PLCE1: variants seen among roughly 807,000 people sequenced by gnomAD.
PLCE1 encodes 1-phosphatidylinositol 4,5-bisphosphate phosphodiesterase epsilon-1.
A neutral mutation model predicts 242.8 loss-of-function variants in PLCE1; 119 were observed. That is an observed-to-expected ratio of 0.49 (90% CI 0.42 to 0.57). The LOEUF (loss-of-function observed/expected upper bound fraction) is 0.57. Ranked by LOEUF, PLCE1 falls within the 20% of genes least tolerant of loss-of-function variation. The pLI, the probability that PLCE1 is intolerant of heterozygous loss-of-function variation, is 0.00. For synonymous variants in PLCE1, 945 were observed against 1,017.4 expected (o/e 0.93, Z 1.35); for missense variants, 2,441 against 2,788.8 (o/e 0.88, Z 2.81).
chr10:94,245,907 G>T (rs2050662160), intron 7 of PLCE1, 39 bp from the exon 8 acceptor site: 2 of 1,542,684 alleles, frequency 1.3e-6, no homozygotes, highest in South Asian at 1.1e-5. Context: ...GTTCTCACTT[G>T]ATTATAAGAC....
intron 7 of PLCE1, among the ~76,000 whole-genome samples, chr10:94,239,086 A>C (rs1004036760): frequency 5.9e-5 from 9 of 152,326 alleles, no homozygotes; most frequent in Admixed American, 5.9e-4. Flanking sequence ...AGGATTATAA[A>C]TTAAGCAAAT....
intron 2 of PLCE1, among the ~76,000 whole-genome samples, chr10:94,057,602 A>C (rs892105507): frequency 5.3e-5 from 8 of 152,306 alleles, no homozygotes; most frequent in Non-Finnish European, 1.0e-4. Context: ...AGAATTACCA[A>C]CCTATACTTC....
At chr10:94,153,314 A>T (rs775438953) in intron 3 of PLCE1, among the ~76,000 whole-genome samples, 3 of 152,330 alleles carry the variant, frequency 2.0e-5, no homozygotes, top group African/African-American at 7.2e-5. Context: ...ACAATAGACG[A>T]AAACCACATG....
chr10:94,002,108 G>A (rs558198185), intron 1 of PLCE1, among the ~76,000 whole-genome samples: 12 of 148,908 alleles, frequency 8.1e-5, no homozygotes, highest in Admixed American at 4.0e-4. Context: ...AGAGGTAGTT[G>A]TGAAAAAAAA....
chr10:94,007,616 G>T, intron 1 of PLCE1, among the ~76,000 whole-genome samples: 1 of 128,198 alleles, frequency 7.8e-6, no homozygotes. Flanking sequence ...GTTTCCAGAA[G>T]AGTGAATACA....
chr10:94,232,573 A>G (rs916616162), intron 5 of PLCE1, among the ~76,000 whole-genome samples: 1 of 151,950 alleles, frequency 6.6e-6, no homozygotes, highest in Admixed American at 6.6e-5. Context: ...TTTTCTTACT[A>G]GTTACTCTCT....
intron 2 of PLCE1, among the ~76,000 whole-genome samples, chr10:94,051,695 TAC>T (rs1167374559): frequency 2.0e-5 from 3 of 152,138 alleles, no homozygotes; most frequent in African/African-American, 7.2e-5. Flanking sequence ...TGGAACTGAA[TAC>T]AGTCCACAGT....
At chr10:94,126,768 G>A (rs1029974178) in intron 2 of PLCE1, among the ~76,000 whole-genome samples, 3 of 152,144 alleles carry the variant, frequency 2.0e-5, no homozygotes, top group Non-Finnish European at 4.4e-5. Flanking sequence ...AGCATATTTG[G>A]TCATTCATTA....
chr10:94,236,849 A>G (rs1414550585), intron 7 of PLCE1, among the ~76,000 whole-genome samples: 4 of 151,748 alleles, frequency 2.6e-5, no homozygotes, highest in Admixed American at 1.3e-4. Flanking sequence ...TTAAGTTCTT[A>G]ATCTCCCTCT....
chr10:94,295,189 T>C (rs1337503636), intron 23 of PLCE1, among the ~76,000 whole-genome samples: 2 of 152,054 alleles, frequency 1.3e-5, no homozygotes, highest in East Asian at 1.9e-4. Context: ...GTGCTGGGAT[T>C]ACAGGTGTGA....
intron 2 of PLCE1, chr10:94,105,158 T>C (rs566129842): frequency 1.3e-5 from 2 of 152,306 alleles, no homozygotes; most frequent in African/African-American, 2.4e-5. Flanking sequence ...TTTCATTTTA[T>C]AGAAGGATTC....
intron 2 of PLCE1, among the ~76,000 whole-genome samples, chr10:94,074,450 C>T (rs1011512935): frequency 5.3e-5 from 8 of 152,104 alleles, no homozygotes; most frequent in Non-Finnish European, 8.8e-5. Context: ...AGCTATCCTC[C>T]AAAGTGGTTG....
At chr10:94,050,667 G>A (rs1225569651) in intron 2 of PLCE1, among the ~76,000 whole-genome samples, 2 of 151,840 alleles carry the variant, frequency 1.3e-5, no homozygotes, top group Non-Finnish European at 2.9e-5. Flanking sequence ...AACTATAAGT[G>A]TAATACTTGG....
chr10:94,015,789 G>A (rs529626518), intron 1 of PLCE1, among the ~76,000 whole-genome samples: 15 of 152,340 alleles, frequency 9.8e-5, no homozygotes, highest in Admixed American at 3.9e-4. Context: ...GGGTTGGAGA[G>A]GCTAGTGTTG....
chr10:94,099,757 C>T (rs2045452661), intron 2 of PLCE1: 1 of 152,194 alleles, frequency 6.6e-6, no homozygotes, highest in African/African-American at 2.4e-5. Flanking sequence ...GAGACATTAA[C>T]TTGCATTGAG....
Position 94,328,639 on chromosome 10 carries a change from T to C in PLCE1, c.*696T>C, listed in dbSNP as rs1190005899. ...ATTTTATGGCCGAGAATTAGAAGCTTAGAATTAGAAGCTTTGGGGCATTTC... is the reference window on the plus strand; with the variant it reads ...ATTTTATGGCCGAGAATTAGAAGCTCAGAATTAGAAGCTTTGGGGCATTTC... On this transcript the variant is annotated 3_prime_UTR_variant, in exon 33 of 33. Coordinates refer to ENST00000371380, the MANE Select transcript of PLCE1 (RefSeq NM_016341.4). The C allele has an allele frequency of 3.3e-5, 5 of 152,206 alleles. No homozygotes were observed. The highest frequency in any genetic ancestry group is 9.7e-5 in the African/African-American group (4 of 41,424). The allele number at this position is 152,206 out of a possible 1,614,324, so 9.4% of individuals were successfully genotyped here.
intron 4 of PLCE1, among the ~76,000 whole-genome samples, chr10:94,175,605 A>G (rs1344555021): frequency 6.6e-6 from 1 of 152,158 alleles, no homozygotes; most frequent in Non-Finnish European, 1.5e-5. Context: ...TAAATGTACA[A>G]TTAAATTATT....
intron 2 of PLCE1, among the ~76,000 whole-genome samples, chr10:94,116,882 GGA>G (rs1202721372): frequency 6.6e-6 from 1 of 152,140 alleles, no homozygotes; most frequent in Non-Finnish European, 1.5e-5. Flanking sequence ...GGAGCAATTT[GGA>G]GAGAGTGCAA....
At chr10:94,010,418 T>G (rs976590876) in intron 1 of PLCE1, among the ~76,000 whole-genome samples, 1 of 152,236 alleles carries the variant, frequency 6.6e-6, no homozygotes, top group African/African-American at 2.4e-5. Flanking sequence ...TCTAGGATAT[T>G]AGTACTTGGC....
Sources: allele counts gnomAD v4.1 joint callset (sites outside exome capture counted in the v4.1 genomes callset), GRCh38; gene constraint gnomAD v4.1.1; transcripts MANE v1.5; gene names NCBI Gene and HGNC (gene_info 2026-07-23, HGNC 2026-07-21).